The following MMP26 variants were observed in gnomAD, a reference collection of about 807,000 sequenced individuals.
MMP26 encodes matrix metallopeptidase 26, also known as matrix metalloproteinase-26.
MMP26 carries 33 observed loss-of-function variants against 31.0 expected under a neutral mutation model. That is an observed-to-expected ratio of 1.06 (90% CI 0.81 to 1.42). MMP26 has a LOEUF of 1.42. Ranked by LOEUF, MMP26 falls within the 40% of genes most tolerant of loss-of-function variation. MMP26 has a pLI of 0.00. For synonymous variants in MMP26, 122 were observed against 114.9 expected, an observed-to-expected ratio of 1.06 and a Z score of -0.40; for missense variants, 347 against 316.1, an observed-to-expected ratio of 1.10 and a Z score of -0.74.
At chr11:4,942,834 G>A (rs193187794) in intron 2 of MMP26, 1 of 152,158 alleles carries the variant, frequency 6.6e-6, no homozygotes, top group African/African-American at 2.4e-5. Flanking sequence ...ACATGTATGG[G>A]GACTCAAATT....
intron 2 of MMP26, among the ~76,000 whole-genome samples, chr11:4,911,074 G>T (rs1476475628): frequency 6.6e-6 from 1 of 152,136 alleles, no homozygotes; most frequent in South Asian, 2.1e-4. Context: ...GGATAAATAC[G>T]AAACCTGCAG....
chr11:4,746,831 TCACACACACACACACACA>T (rs3223670), intron 1 of MMP26, among the ~76,000 whole-genome samples: 9 of 137,116 alleles, frequency 6.6e-5, no homozygotes, highest in South Asian at 5.1e-4. Flanking sequence ...TAAGTCTCTG[TCACACACACACACACACA>T]CACACACACA....
intron 1 of MMP26, among the ~76,000 whole-genome samples, chr11:4,712,594 C>T (rs771842608): frequency 2.1e-4 from 32 of 152,106 alleles, no homozygotes; most frequent in Non-Finnish European, 3.5e-4. Flanking sequence ...GGAGCAACCA[C>T]ATTTTTGGGT....
At chr11:4,777,026 G>A (rs2133428259) in intron 2 of MMP26, among the ~76,000 whole-genome samples, 1 of 152,250 alleles carries the variant, frequency 6.6e-6, no homozygotes, top group Non-Finnish European at 1.5e-5. Flanking sequence ...GTGATATAAA[G>A]ATTGAAAATT....
At chr11:4,915,003 A>C (rs772696684) in intron 2 of MMP26, 1 of 1,613,970 alleles carries the variant, frequency 6.2e-7, no homozygotes, top group South Asian at 1.1e-5. Context: ...GCATAAGAGA[A>C]GAGGATGAGC....
chr11:4,748,229 C>T (rs1283874620), intron 1 of MMP26, among the ~76,000 whole-genome samples: 3 of 151,952 alleles, frequency 2.0e-5, no homozygotes, highest in Non-Finnish European at 4.4e-5. Context: ...AATATAACCT[C>T]CAAAGACTGA....
At chr11:4,858,958 A>G (rs904821362) in intron 2 of MMP26, among the ~76,000 whole-genome samples, 2 of 152,222 alleles carry the variant, frequency 1.3e-5, no homozygotes, top group Non-Finnish European at 2.9e-5. Flanking sequence ...CCTGACAAAA[A>G]CAAGAAATGG....
intron 2 of MMP26, among the ~76,000 whole-genome samples, chr11:4,773,595 GTTTTT>G (rs3065888): frequency 9.2e-6 from 1 of 108,388 alleles, no homozygotes; most frequent in South Asian, 2.8e-4. Flanking sequence ...TGTTTGTGGG[GTTTTT>G]TTTTTTTTTT....
intron 3 of MMP26, among the ~76,000 whole-genome samples, chr11:4,988,613 G>C (rs1274953298): frequency 6.6e-6 from 1 of 152,008 alleles, no homozygotes; most frequent in Non-Finnish European, 1.5e-5. Context: ...GAACACTCCA[G>C]TATATAGGTC....
chr11:4,821,427 G>T (rs369696129), intron 2 of MMP26: 1 of 1,613,684 alleles, frequency 6.2e-7, no homozygotes, highest in Non-Finnish European at 8.5e-7. Flanking sequence ...TCCCTATGTC[G>T]GTCCTCAATA....
intron 2 of MMP26, among the ~76,000 whole-genome samples, chr11:4,872,624 A>T (rs1279441672): frequency 2.0e-5 from 3 of 151,956 alleles, no homozygotes; most frequent in African/African-American, 7.3e-5. Context: ...GCTTTTACTC[A>T]GCAGCTCAGA....
intron 2 of MMP26, among the ~76,000 whole-genome samples, chr11:4,785,142 T>C (rs980661474): frequency 2.6e-5 from 4 of 152,166 alleles, no homozygotes; most frequent in African/African-American, 9.7e-5. Context: ...TCTAGTAAGA[T>C]AACCAACCAT....
intron 2 of MMP26, among the ~76,000 whole-genome samples, chr11:4,798,293 G>A (rs983497738): frequency 2.0e-5 from 3 of 152,140 alleles, no homozygotes; most frequent in African/African-American, 7.2e-5. Flanking sequence ...GACAGAGCAG[G>A]ATGAGCCAGT....
chr11:4,849,002 G>T (rs910342119), intron 2 of MMP26: 3 of 1,614,014 alleles, frequency 1.9e-6, no homozygotes, highest in Admixed American at 1.7e-5. Context: ...AGAAGAGGAA[G>T]AAGTGCATTG....
chr11:4,915,074 A>G (rs1358718862), intron 2 of MMP26: 2 of 1,614,060 alleles, frequency 1.2e-6, no homozygotes, highest in South Asian at 1.1e-5. Flanking sequence ...GTTGGCCTTC[A>G]TGTCGGCACA....
At chr11:4,952,178 T>C (rs1483347919) in intron 2 of MMP26, among the ~76,000 whole-genome samples, 2 of 125,328 alleles carry the variant, frequency 1.6e-5, no homozygotes. Context: ...TTCATGTATC[T>C]GTATTTTATT....
intron 2 of MMP26, among the ~76,000 whole-genome samples, chr11:4,786,359 C>A (rs538940643): frequency 6.6e-6 from 1 of 152,260 alleles, no homozygotes; most frequent in Admixed American, 6.5e-5. Flanking sequence ...TGGTTCCCAT[C>A]TCTGGCTCTC....
chr11:4,926,446 G>T (rs186834819), intron 2 of MMP26, among the ~76,000 whole-genome samples: 11 of 152,208 alleles, frequency 7.2e-5, no homozygotes, highest in Admixed American at 6.5e-4. Context: ...TAGCAATAAA[G>T]AAGAGAAAAT....
chr11:4,942,089 C>CAAAAAAAAAAAAAAAAAAAAAAAAAA lies in MMP26; in HGVS notation c.-144-45958_-144-45957insAAAAAAAAAAAAAAAAAAAAAAAAAA, dbSNP rs201626472. Among the ~76,000 whole-genome samples the CAAAAAAAAAAAAAAAAAAAAAAAAAA allele has an allele frequency of 7.3e-3, 269 of 37,046 alleles. 17 individuals carry two copies. Among genetic ancestry groups the CAAAAAAAAAAAAAAAAAAAAAAAAAA allele is most frequent in the Non-Finnish European group, 9.7e-3 (186 of 19,088 alleles). 24.3% of individuals were successfully genotyped at this position (37,046 alleles called of 152,430 possible). A position where few individuals can be genotyped will look rare whatever the true frequency, so the allele number is the denominator to read the frequency against. ...TGGGCAGCAGAATGAGAGTCCATCTCAAAAAAAAAAAAAAAAAAAAAGGAA... is the reference window on the plus strand; with the variant it reads ...TGGGCAGCAGAATGAGAGTCCATCTCAAAAAAAAAAAAAAAAAAAAAAAAAAAAAAAAAAAAAAAAAAAAAAAGGAA... On this transcript the variant is annotated intron_variant, in intron 2 of 7. Coordinates refer to ENST00000380390, the MANE Select transcript of MMP26 (RefSeq NM_021801.5).
Sources: gnomAD v4.1 joint callset for allele counts (sites outside exome capture counted in the v4.1 genomes callset) on GRCh38, gnomAD v4.1.1 for gene constraint, MANE v1.5 for transcripts, NCBI Gene and HGNC (gene_info 2026-07-23, HGNC 2026-07-21) for gene names.